The following DMD variants were observed in gnomAD, a reference collection of about 807,000 sequenced individuals.
The protein encoded by DMD is mutant dystrophin.
Under a neutral mutation model 330.1 loss-of-function variants are expected in DMD, and 63 were observed. The observed-to-expected ratio is 0.19, with a 90% confidence interval of 0.16 to 0.24. The LOEUF is 0.24. Ranked by LOEUF, DMD falls within the 10% of genes least tolerant of loss-of-function variation. DMD has a pLI of 1.00. For synonymous variants in DMD, 1,223 were observed against 959.8 expected, an observed-to-expected ratio of 1.27 and a Z score of -5.07; for missense variants, 3,344 against 2,684.1, an observed-to-expected ratio of 1.25 and a Z score of -5.43.
chrX:32,463,466 G>A lies in DMD; in HGVS notation c.3405C>T (p.Asn1135=), dbSNP rs373182842. 8.3e-6 allele frequency: 10 copies of A among 1,206,723 alleles called. No individual in the cohort carries two copies. The African/African-American group carries it at 1.8e-4, about 21-fold the overall frequency. ...GTTGGCACATGTGATCCCACTGAGT[G>A]TTAAGTTCTTTGAGTTCTGTCTCAA... ...SRLETELKEL[N]TQWDHMCQQV... Residue 1135 remains asparagine, a synonymous_variant, in exon 25 of 79, where the codon AAC becomes AAT. Coordinates refer to ENST00000357033, the MANE Select transcript of DMD (RefSeq NM_004006.3).
At chrX:32,655,741 TTAAA>T (rs2060518548) in intron 9 of DMD, among the ~76,000 whole-genome samples, 1 of 111,596 alleles carries the variant, frequency 9.0e-6, no homozygotes, top group Admixed American at 9.5e-5. Flanking sequence ...CAGTGGGGTG[TTAAA>T]GTCTCCCATT....
At chrX:33,259,609 C>CCCCA (rs1491168746) in intron 1 of DMD, among the ~76,000 whole-genome samples, 1 of 56,705 alleles carries the variant, frequency 1.8e-5, no homozygotes, top group African/African-American at 6.5e-5. Context: ...CCCCCCCCCC[C>CCCCA]AAAAAAAAAA....
chrX:32,014,485 G>T (rs5972476), intron 44 of DMD, among the ~76,000 whole-genome samples: 28,364 of 110,730 alleles, frequency 0.26, 3,889 homozygotes, highest in African/African-American at 0.52. Flanking sequence ...GGTACAACTA[G>T]AGTAGATTTA....
At chrX:31,959,809 G>C (rs2095284389) in intron 45 of DMD, among the ~76,000 whole-genome samples, 1 of 94,149 alleles carries the variant, frequency 1.1e-5, no homozygotes. Context: ...CTGTCACCCA[G>C]GCTGGAGTGC....
intron 45 of DMD, among the ~76,000 whole-genome samples, chrX:31,935,448 C>G (rs935629798): frequency 1.8e-5 from 2 of 111,643 alleles, no homozygotes; most frequent in Non-Finnish European, 3.8e-5. Context: ...CCCTCAGATT[C>G]TGACCTTAGA....
chrX:31,567,854 C>A (rs1218124730), intron 55 of DMD, among the ~76,000 whole-genome samples: 4 of 111,334 alleles, frequency 3.6e-5, no homozygotes, highest in Admixed American at 1.9e-4. Context: ...GACACCTGTA[C>A]ACACAGTGGA....
At chrX:32,534,433 T>G (rs1280551448) in intron 17 of DMD, among the ~76,000 whole-genome samples, 1 of 111,237 alleles carries the variant, frequency 9.0e-6, no homozygotes, top group Admixed American at 9.5e-5. Context: ...CCCCCTGCAC[T>G]GTCTCACTCT....
chrX:32,800,774 C>T (rs761800844), intron 7 of DMD, among the ~76,000 whole-genome samples: 8 of 110,459 alleles, frequency 7.2e-5, no homozygotes, highest in Admixed American at 3.9e-4. Flanking sequence ...TGTTCAACTC[C>T]GATTTATGAG....
intron 1 of DMD, among the ~76,000 whole-genome samples, chrX:33,307,580 C>A (rs2053782998): frequency 8.9e-6 from 1 of 111,816 alleles, no homozygotes; most frequent in Non-Finnish European, 1.9e-5. Flanking sequence ...GTAGTCCCAG[C>A]TACTTGGGAG....
At chrX:32,758,438 C>T (rs780734748) in intron 7 of DMD, among the ~76,000 whole-genome samples, 4 of 111,448 alleles carry the variant, frequency 3.6e-5, no homozygotes, top group South Asian at 7.6e-4. Context: ...ACAGGCTTGC[C>T]TTCCATAACC....
chrX:32,549,290 A>C (rs148814464), intron 16 of DMD, among the ~76,000 whole-genome samples: 73 of 111,531 alleles, frequency 6.5e-4, no homozygotes, highest in Non-Finnish European at 1.2e-3. Context: ...TCTTTAAAGT[A>C]AGAGTAACAC....
At chrX:32,662,534 G>C (rs1383477398) in intron 9 of DMD, among the ~76,000 whole-genome samples, 1 of 111,902 alleles carries the variant, frequency 8.9e-6, no homozygotes, top group East Asian at 2.8e-4. Context: ...TGAAAGGATT[G>C]TGATTGCCTT....
intron 52 of DMD, among the ~76,000 whole-genome samples, chrX:31,703,758 T>C (rs1225108936): frequency 9.0e-6 from 1 of 111,525 alleles, no homozygotes; most frequent in Non-Finnish European, 1.9e-5. Context: ...GATGAGGAAA[T>C]GAATTGATGA....
At chrX:31,527,534 T>C (rs1181996729) in intron 55 of DMD, among the ~76,000 whole-genome samples, 1 of 112,118 alleles carries the variant, frequency 8.9e-6, no homozygotes. Flanking sequence ...TTGCCAAATG[T>C]GTATACTTGT....
At chrX:32,388,318 G>T in intron 32 of DMD, among the ~76,000 whole-genome samples, 1 of 88,356 alleles carries the variant, frequency 1.1e-5, no homozygotes, top group Non-Finnish European at 2.1e-5. Context: ...CATGAATAAG[G>T]CACTTGGGTC....
Position 31,345,540 on chromosome X carries a change from A to G in DMD, c.9163+3016T>C, listed in dbSNP as rs144382243. 8.1e-3 allele frequency among the ~76,000 whole-genome samples: 910 copies of G among 111,847 alleles called. 12 individuals are homozygous for G. Among genetic ancestry groups the G allele is most frequent in the African/African-American group, 0.028 (872 of 30,769 alleles). On this transcript the variant is annotated intron_variant, in intron 61 of 78. Coordinates refer to ENST00000357033, the MANE Select transcript of DMD (RefSeq NM_004006.3). The stretch of plus-strand genomic sequence containing the variant: ...CAGGGAGAAGAAAATATGAATGAAT[A>G]TACCTGGTGTCTGAGGAGTAATTAA...
intron 2 of DMD, among the ~76,000 whole-genome samples, chrX:32,864,504 A>G (rs750748499): frequency 8.9e-6 from 1 of 112,250 alleles, no homozygotes; most frequent in East Asian, 2.8e-4. Context: ...ATCATTTCCA[A>G]AAGGTCAGAT....
chrX:32,520,709 T>A (rs1051547746), intron 17 of DMD, among the ~76,000 whole-genome samples: 3 of 111,668 alleles, frequency 2.7e-5, no homozygotes, highest in African/African-American at 6.5e-5. Context: ...TTATTTCACT[T>A]CCCTACTTTG....
At chrX:33,017,646 A>G (rs1043848019) in intron 2 of DMD, among the ~76,000 whole-genome samples, 2 of 111,577 alleles carry the variant, frequency 1.8e-5, no homozygotes, top group Admixed American at 9.6e-5. Context: ...GTAATAAACA[A>G]TGAGATTATA....
Sources: allele counts gnomAD v4.1 joint callset (sites outside exome capture counted in the v4.1 genomes callset), GRCh38; gene constraint gnomAD v4.1.1; transcripts MANE v1.5; gene names NCBI Gene and HGNC (gene_info 2026-07-23, HGNC 2026-07-21).